The following KCNJ3 variants were observed in gnomAD, a reference collection of about 807,000 sequenced individuals.
KCNJ3 encodes potassium inwardly rectifying channel subfamily J member 3, also known as G protein-activated inward rectifier potassium channel 1.
KCNJ3 carries 4 observed loss-of-function variants against 39.2 expected under a neutral mutation model. That is an observed-to-expected ratio of 0.10 (90% CI 0.05 to 0.23). The LOEUF is 0.23. Ranked by LOEUF, KCNJ3 falls within the 10% of genes least tolerant of loss-of-function variation. KCNJ3 has a pLI of 1.00. For synonymous variants in KCNJ3, 230 were observed against 237.4 expected, an observed-to-expected ratio of 0.97 and a Z score of 0.29; for missense variants, 276 against 634.9, an observed-to-expected ratio of 0.43 and a Z score of 6.08.
At chr2:154,701,305 T>C (rs1355138628) in intron 1 of KCNJ3, among the ~76,000 whole-genome samples, 1 of 152,120 alleles carries the variant, frequency 6.6e-6, no homozygotes, top group East Asian at 1.9e-4. Flanking sequence ...GTAATGGAAA[T>C]TGACAATTAG....
chr2:154,799,170 G>A (rs923978194), intron 2 of KCNJ3, among the ~76,000 whole-genome samples: 2 of 152,050 alleles, frequency 1.3e-5, no homozygotes, highest in South Asian at 2.1e-4. Flanking sequence ...CTTGCTCTGT[G>A]GCCCAGGCTG....
At chr2:154,763,068 A>G (rs1686073425) in intron 2 of KCNJ3, among the ~76,000 whole-genome samples, 3 of 152,244 alleles carry the variant, frequency 2.0e-5, no homozygotes, top group African/African-American at 7.2e-5. Context: ...ATAAAGGGAA[A>G]TAATATAATG....
chr2:154,719,157 C>T (rs561258959), intron 2 of KCNJ3, among the ~76,000 whole-genome samples: 20 of 152,180 alleles, frequency 1.3e-4, no homozygotes, highest in African/African-American at 3.6e-4. Context: ...AAATGTCTGA[C>T]GTTTGTGGTC....
At chr2:154,707,730 C>T (rs1436570908) in intron 1 of KCNJ3, among the ~76,000 whole-genome samples, 1 of 152,098 alleles carries the variant, frequency 6.6e-6, no homozygotes, top group Non-Finnish European at 1.5e-5. Flanking sequence ...AGCAAAAAGA[C>T]CCAAATTAAT....
chr2:154,758,941 G>C (rs1685988155), intron 2 of KCNJ3, among the ~76,000 whole-genome samples: 1 of 152,144 alleles, frequency 6.6e-6, no homozygotes, highest in South Asian at 2.1e-4. Context: ...ATTATGTTTA[G>C]TTATTTCAAG....
chr2:154,724,496 G>C (rs970974754), intron 2 of KCNJ3, among the ~76,000 whole-genome samples: 1 of 152,000 alleles, frequency 6.6e-6, no homozygotes, highest in Non-Finnish European at 1.5e-5. Context: ...ATTTTCTTTT[G>C]ATGTGTCGCC....
At chr2:154,707,615 C>G (rs1009483109) in intron 1 of KCNJ3, among the ~76,000 whole-genome samples, 8 of 152,006 alleles carry the variant, frequency 5.3e-5, no homozygotes, top group African/African-American at 1.9e-4. Flanking sequence ...AATATATCTT[C>G]TTTGGGGAAA....
intron 1 of KCNJ3, among the ~76,000 whole-genome samples, chr2:154,706,762 G>A (rs2105149106): frequency 6.6e-6 from 1 of 152,202 alleles, no homozygotes; most frequent in African/African-American, 2.4e-5. Context: ...TGGTAAGCAT[G>A]TATAGGTTTT....
At chr2:154,789,920 T>G (rs1686597310) in intron 2 of KCNJ3, among the ~76,000 whole-genome samples, 2 of 152,130 alleles carry the variant, frequency 1.3e-5, no homozygotes, top group Admixed American at 1.3e-4. Context: ...AACACTAATT[T>G]TATCAGAGTT....
intron 2 of KCNJ3, among the ~76,000 whole-genome samples, chr2:154,806,209 C>T (rs1686908865): frequency 6.6e-6 from 1 of 152,110 alleles, no homozygotes; most frequent in Non-Finnish European, 1.5e-5. Context: ...TGACAGAAGA[C>T]ACAAGACTCT....
intron 2 of KCNJ3, among the ~76,000 whole-genome samples, chr2:154,845,499 A>AGAT (rs1217714443): frequency 1.3e-5 from 2 of 152,204 alleles, no homozygotes; most frequent in Non-Finnish European, 2.9e-5. Context: ...TATATAGTTA[A>AGAT]GATATTTTGA....
intron 2 of KCNJ3, among the ~76,000 whole-genome samples, chr2:154,807,958 A>T (rs1170824689): frequency 6.6e-6 from 1 of 150,496 alleles, no homozygotes; most frequent in African/African-American, 2.5e-5. Context: ...CTCTCTCTGT[A>T]CTCCCCCAGC....
At chr2:154,744,469 A>T (rs972220019) in intron 2 of KCNJ3, among the ~76,000 whole-genome samples, 21 of 151,800 alleles carry the variant, frequency 1.4e-4, no homozygotes, top group African/African-American at 4.8e-4. Flanking sequence ...TGAAGTTTAT[A>T]TTTGGGCAAT....
chr2:154,781,956 G>C (rs979065536), intron 2 of KCNJ3, among the ~76,000 whole-genome samples: 1 of 152,150 alleles, frequency 6.6e-6, no homozygotes, highest in Non-Finnish European at 1.5e-5. Context: ...CAGTGGTTTT[G>C]AGTGCTTAGA....
intron 2 of KCNJ3, among the ~76,000 whole-genome samples, chr2:154,781,755 T>C (rs917334591): frequency 6.6e-6 from 1 of 152,214 alleles, no homozygotes; most frequent in Non-Finnish European, 1.5e-5. Flanking sequence ...TAATAATTTA[T>C]TTGCAATAGG....
intron 2 of KCNJ3, among the ~76,000 whole-genome samples, chr2:154,764,084 A>C (rs1686089851): frequency 6.6e-6 from 1 of 152,218 alleles, no homozygotes; most frequent in Non-Finnish European, 1.5e-5. Context: ...CTCTGTTCTC[A>C]AGTGTGATAT....
At chr2:154,748,827 T>A (rs1363270745) in intron 2 of KCNJ3, among the ~76,000 whole-genome samples, 1 of 152,080 alleles carries the variant, frequency 6.6e-6, no homozygotes, top group African/African-American at 2.4e-5. Flanking sequence ...TGTCTAATCT[T>A]TGGAGATCAG....
chr2:154,828,802 A>T (rs1008331967), intron 2 of KCNJ3, among the ~76,000 whole-genome samples: 2 of 152,124 alleles, frequency 1.3e-5, no homozygotes, highest in African/African-American at 2.4e-5. Flanking sequence ...CTTTTGCTCT[A>T]TATTGCTAAA....
intron 2 of KCNJ3, among the ~76,000 whole-genome samples, chr2:154,768,323 T>C (rs1686172408): frequency 6.6e-6 from 1 of 152,250 alleles, no homozygotes; most frequent in Non-Finnish European, 1.5e-5. Flanking sequence ...GTTTTAGGTC[T>C]AACATGTAAG....
Sources: gnomAD v4.1 joint callset for allele counts (sites outside exome capture counted in the v4.1 genomes callset) on GRCh38, gnomAD v4.1.1 for gene constraint, MANE v1.5 for transcripts, NCBI Gene and HGNC (gene_info 2026-07-23, HGNC 2026-07-21) for gene names.